The following PTPRD variants were observed in gnomAD, a reference collection of about 807,000 sequenced individuals.
PTPRD encodes the protein receptor-type tyrosine-protein phosphatase delta.
A neutral mutation model predicts 214.5 loss-of-function variants in PTPRD; 34 were observed. The ratio of observed to expected loss-of-function variants is 0.16; its 90% CI spans 0.12 to 0.21. The LOEUF is 0.21. Among genes scored for constraint, PTPRD ranks in the 10% least tolerant of loss-of-function variants. The pLI, the probability that PTPRD is intolerant of heterozygous loss-of-function variation, is 1.00. For missense variants in PTPRD, 2,545 were observed against 2,398.7 expected (o/e 1.06, Z -1.27); for synonymous variants, 1,128 against 845.7 (o/e 1.33, Z -5.79).
At chr9:8,413,009 T>A (rs992202470) in intron 35 of PTPRD, among the ~76,000 whole-genome samples, 1 of 152,196 alleles carries the variant, frequency 6.6e-6, no homozygotes, top group African/African-American at 2.4e-5. Context: ...TATTACAACA[T>A]CATTTAAGAA....
chr9:9,286,759 G>C lies in PTPRD; in HGVS notation c.-202-103396C>G, dbSNP rs1240762398. Among the ~76,000 whole-genome samples, 6 of 149,428 alleles carry C rather than the reference G, an allele frequency of 4.0e-5. No homozygotes were observed. In the Admixed American group the frequency reaches 4.0e-4, roughly 10 times the overall value. ...TATCCCTTACTGAAACTATAATATA[G>C]GCCAGTGTCTCATTTTTCTTTGATC... On this transcript the variant is annotated intron_variant, in intron 9 of 45. Transcript: ENST00000381196.
intron 3 of PTPRD, among the ~76,000 whole-genome samples, chr9:10,088,482 C>G (rs425378): frequency 0.63 from 95,709 of 151,540 alleles, 30,847 homozygotes; most frequent in African/African-American, 0.74. Context: ...ATACACTCTT[C>G]AAGTATAAAG....
chr9:10,413,778 A>G (rs1247560819), intron 2 of PTPRD, among the ~76,000 whole-genome samples: 3 of 152,006 alleles, frequency 2.0e-5, no homozygotes, highest in African/African-American at 4.8e-5. Flanking sequence ...CAAATGGAAC[A>G]GACTAGAAAA....
chr9:9,870,067 T>C (rs1056838388), intron 5 of PTPRD, among the ~76,000 whole-genome samples: 1 of 152,094 alleles, frequency 6.6e-6, no homozygotes, highest in South Asian at 2.1e-4. Context: ...ACTTGATACA[T>C]ATATCTTAAC....
chr9:9,338,395 A>G (rs2045446124), intron 9 of PTPRD, among the ~76,000 whole-genome samples: 1 of 152,234 alleles, frequency 6.6e-6, no homozygotes, highest in African/African-American at 2.4e-5. Flanking sequence ...GTTGATTTGC[A>G]TATTAATGCC....
At chr9:10,494,266 T>G (rs2041320356) in intron 2 of PTPRD, among the ~76,000 whole-genome samples, 1 of 152,030 alleles carries the variant, frequency 6.6e-6, no homozygotes, top group Non-Finnish European at 1.5e-5. Flanking sequence ...ATCAAAACAC[T>G]TATCATGAAC....
At chr9:10,282,645 C>T (rs1196923477) in intron 3 of PTPRD, among the ~76,000 whole-genome samples, 1 of 152,104 alleles carries the variant, frequency 6.6e-6, no homozygotes, top group Admixed American at 6.6e-5. Context: ...ATCAACTGAG[C>T]AGCTTTAAAA....
At chr9:8,405,952 T>A (rs2092932806) in intron 35 of PTPRD, among the ~76,000 whole-genome samples, 1 of 151,468 alleles carries the variant, frequency 6.6e-6, no homozygotes, top group Non-Finnish European at 1.5e-5. Flanking sequence ...AAAAGTCAAG[T>A]CTGTTAGTAG....
At chr9:10,156,998 C>A (rs1246047881) in intron 3 of PTPRD, among the ~76,000 whole-genome samples, 2 of 152,076 alleles carry the variant, frequency 1.3e-5, no homozygotes, top group Non-Finnish European at 2.9e-5. Flanking sequence ...TTTTCTCTAT[C>A]CTTTTATTTT....
chr9:9,487,202 C>T (rs1054674841), intron 8 of PTPRD, among the ~76,000 whole-genome samples: 4 of 151,792 alleles, frequency 2.6e-5, no homozygotes, highest in Admixed American at 2.0e-4. Context: ...TAATGCTATC[C>T]CTCCCCCTTC....
At chr9:8,985,251 ATGT>A (rs145281854) in intron 11 of PTPRD, among the ~76,000 whole-genome samples, 2 of 152,220 alleles carry the variant, frequency 1.3e-5, no homozygotes, top group African/African-American at 4.8e-5. Context: ...GCATTTATAA[ATGT>A]TGTTGATAAA....
intron 3 of PTPRD, among the ~76,000 whole-genome samples, chr9:10,193,391 A>T (rs920447251): frequency 6.6e-6 from 1 of 152,082 alleles, no homozygotes; most frequent in Admixed American, 6.6e-5. Flanking sequence ...GATGAAGGAG[A>T]TAGAGTAGGA....
At chr9:9,800,285 T>C (rs963012108) in intron 5 of PTPRD, among the ~76,000 whole-genome samples, 8 of 152,266 alleles carry the variant, frequency 5.3e-5, no homozygotes, top group Non-Finnish European at 8.8e-5. Context: ...CAGTGAGCTA[T>C]GATTGAGTCA....
chr9:9,659,981 G>C (rs902131717), intron 7 of PTPRD, among the ~76,000 whole-genome samples: 1 of 151,982 alleles, frequency 6.6e-6, no homozygotes, highest in Non-Finnish European at 1.5e-5. Flanking sequence ...GGCTGTAAAT[G>C]AATTTCCCTT....
At chr9:9,475,178 A>G (rs2094933664) in intron 8 of PTPRD, among the ~76,000 whole-genome samples, 1 of 152,196 alleles carries the variant, frequency 6.6e-6, no homozygotes, top group Admixed American at 6.5e-5. Flanking sequence ...TTACTATTTT[A>G]CTTTCTCAAC....
intron 8 of PTPRD, among the ~76,000 whole-genome samples, chr9:9,484,848 T>A (rs998371984): frequency 6.6e-6 from 1 of 152,192 alleles, no homozygotes; most frequent in East Asian, 1.9e-4. Flanking sequence ...ACCCGGTTTT[T>A]ATTTTGTAGA....
At chr9:9,695,739 G>C (rs1181942229) in intron 7 of PTPRD, among the ~76,000 whole-genome samples, 1 of 151,828 alleles carries the variant, frequency 6.6e-6, no homozygotes, top group East Asian at 1.9e-4. Context: ...TTGTATCCCT[G>C]GATTGAATCC....
At chr9:9,273,358 T>C (rs546185812) in intron 9 of PTPRD, among the ~76,000 whole-genome samples, 4 of 151,178 alleles carry the variant, frequency 2.6e-5, no homozygotes, top group Non-Finnish European at 4.4e-5. Flanking sequence ...ACAAAAATAA[T>C]TATTAAAATT....
intron 14 of PTPRD, among the ~76,000 whole-genome samples, chr9:8,564,678 C>A (rs993114257): frequency 6.6e-6 from 1 of 151,896 alleles, no homozygotes; most frequent in Non-Finnish European, 1.5e-5. Context: ...CCAGCCTGGG[C>A]GACAGAATGA....
Sources: allele counts gnomAD v4.1 joint callset (sites outside exome capture counted in the v4.1 genomes callset), GRCh38; gene constraint gnomAD v4.1.1; transcripts MANE v1.5; gene names NCBI Gene and HGNC (gene_info 2026-07-23, HGNC 2026-07-21).